The following AMELX variants were observed in gnomAD, a reference collection of about 807,000 sequenced individuals.
The protein encoded by AMELX is amelogenin, X isoform.
A neutral mutation model predicts 15.8 loss-of-function variants in AMELX; 9 were observed. The observed-to-expected ratio is 0.57, with a 90% CI of 0.34 to 0.99. The LOEUF (loss-of-function observed/expected upper bound fraction) is 0.99. AMELX is among the 50% of genes least tolerant of loss of function. The probability of loss-of-function intolerance (pLI) is 0.02; values close to 1 mark genes in which losing one functional copy is unlikely to be tolerated. For synonymous variants in AMELX, 61 were observed against 58.8 expected, an observed-to-expected ratio of 1.04 and a Z score of -0.17; for missense variants, 107 against 156.2, an observed-to-expected ratio of 0.68 and a Z score of 1.68.
intron 2 of AMELX, among the ~76,000 whole-genome samples, 168 bp from the exon 3 acceptor site, chrX:11,296,611 A>G (rs1185222619): frequency 8.9e-6 from 1 of 111,978 alleles, no homozygotes; most frequent in Non-Finnish European, 1.9e-5. Context: ...GTTCAAACTA[A>G]AAACAGACCT....
At chrX:11,302,057 C>CTCTAATACT (rs1351340321), downstream of AMELX, among the ~76,000 whole-genome samples, 1 of 112,247 alleles carries the variant, frequency 8.9e-6, no homozygotes, top group Non-Finnish European at 1.9e-5. Context: ...GGTAATTATA[C>CTCTAATACT]TCTAATACTT....
At chrX:11,298,073 C>T in intron 3 of AMELX, 163 bp from the exon 4 acceptor site, 1 of 1,207,939 alleles carries the variant, frequency 8.3e-7, no homozygotes, top group Non-Finnish European at 1.1e-6. Context: ...AAGCACCCAA[C>T]AAATTTTTAC....
downstream of AMELX, among the ~76,000 whole-genome samples, chrX:11,305,476 G>A (rs2048228718): frequency 8.9e-6 from 1 of 112,222 alleles, no homozygotes; most frequent in African/African-American, 3.2e-5. Context: ...TTGTTTCTTG[G>A]GAGGTTACAA....
chrX:11,303,806 C>G (rs749749234), downstream of AMELX, among the ~76,000 whole-genome samples: 5 of 111,483 alleles, frequency 4.5e-5, no homozygotes, highest in Non-Finnish European at 9.4e-5. Flanking sequence ...CAATCATGAC[C>G]ATTGCCTATC....
the AMELX span, among the ~76,000 whole-genome samples, chrX:11,309,455 G>A: frequency 4.5e-5 from 5 of 110,887 alleles, no homozygotes; most frequent in African/African-American, 1.6e-4. Context: ...AGAGCCTTGG[G>A]TCACTGTGAT....
the AMELX span, among the ~76,000 whole-genome samples, chrX:11,306,134 G>A: frequency 9.0e-6 from 1 of 111,710 alleles, no homozygotes; most frequent in Non-Finnish European, 1.9e-5. Flanking sequence ...ACTCCTGGAA[G>A]TGAGGTTCCC....
At chrX:11,293,714 A>G (rs1459446994) in intron 1 of AMELX, among the ~76,000 whole-genome samples, 1 of 111,959 alleles carries the variant, frequency 8.9e-6, no homozygotes, top group Non-Finnish European at 1.9e-5. Flanking sequence ...TAAAATATTT[A>G]TTTTAATTAA....
At chrX:11,303,382 A>G (rs1427412489), downstream of AMELX, among the ~76,000 whole-genome samples, 2 of 112,314 alleles carry the variant, frequency 1.8e-5, no homozygotes, top group African/African-American at 3.2e-5. Context: ...CAGACGATAA[A>G]TAATTATTGA....
intron 3 of AMELX, 48 bp downstream of exon 3, chrX:11,296,874 C>T: frequency 8.6e-7 from 1 of 1,157,881 alleles, no homozygotes; most frequent in Non-Finnish European, 1.2e-6. Flanking sequence ...GTTAACAATG[C>T]CCTGGGCTCT....
intron 1 of AMELX, 79 bp from the exon 2 acceptor site, chrX:11,294,698 T>C (rs2048051780): frequency 1.0e-6 from 1 of 999,497 alleles, no homozygotes; most frequent in South Asian, 1.9e-5. Flanking sequence ...CTAATGTAGA[T>C]TATGTGTGTT....
intron 3 of AMELX, among the ~76,000 whole-genome samples, chrX:11,297,455 G>A (rs1402930835): frequency 8.9e-6 from 1 of 112,061 alleles, no homozygotes; most frequent in Non-Finnish European, 1.9e-5. Context: ...AATATTGTTT[G>A]GAGAGTAATA....
chrX:11,298,066 C>T, intron 3 of AMELX, 170 bp from the exon 4 acceptor site: 4 of 1,198,197 alleles, frequency 3.3e-6, no homozygotes, highest in Non-Finnish European at 4.5e-6. Flanking sequence ...ACACAGGAAG[C>T]ACCCAACAAA....
intron 3 of AMELX, 37 bp downstream of exon 3, chrX:11,296,863 C>A: frequency 1.7e-6 from 2 of 1,179,491 alleles, no homozygotes; most frequent in Non-Finnish European, 2.3e-6. Flanking sequence ...CCATTGTTTG[C>A]GTTAACAATG....
rs2048028190 is a variant in AMELX at position 11,293,466 on chromosome X, A to T, written c.-15A>T. ...CAGAAACTTGCACTGAATACATTCA[A>T]AGGTATGTGGATTTTATTTATAATT... On this transcript the variant is annotated splice_region_variant and 5_prime_UTR_variant, in exon 1 of 6. Transcript: ENST00000380714. 1 of 112,287 alleles carries T rather than the reference A, an allele frequency of 8.9e-6. No individual in the cohort carries two copies. Among genetic ancestry groups the T allele is most frequent in the South Asian group, 3.7e-4 (1 of 2,688 alleles). The allele number at this position is 112,287 out of a possible 1,213,427, so 9.3% of individuals were successfully genotyped here. A position where few individuals can be genotyped will look rare whatever the true frequency, so the allele number is the denominator to read the frequency against.
Position 11,294,854 on chromosome X carries a change from A to T in AMELX, c.54+12A>T. The T allele has an allele frequency of 8.3e-7, 1 of 1,210,108 alleles. No homozygotes were observed. The highest frequency in any genetic ancestry group is 1.1e-6 in the Non-Finnish European group (1 of 894,010). Reference sequence around the variant, plus strand: ...CTTTTGCCATGCCTGTGAGTAAAACACCCCTTGCATAAGTCAGTGTCCAAT... The same window carrying T: ...CTTTTGCCATGCCTGTGAGTAAAACTCCCCTTGCATAAGTCAGTGTCCAAT... On this transcript the variant is annotated intron_variant, in intron 2 of 5. Transcript: ENST00000380714.
chrX:11,300,614 AG>A lies in AMELX; in HGVS notation c.*3del. 2 of 1,196,914 alleles carry A rather than the reference AG, an allele frequency of 1.7e-6. No homozygotes were observed. Among genetic ancestry groups the A allele is most frequent in the Non-Finnish European group, 2.3e-6 (2 of 882,983 alleles). On this transcript the variant is annotated 3_prime_UTR_variant, in exon 6 of 6. Transcript: ENST00000380714. ...TTTTGCAATTTTTTTCAGGATTAAA[AG>A]ATCAGAAGATGAGAGGGGAATGAAT...
chrX:11,296,329 T>A (rs2048083262), intron 2 of AMELX, among the ~76,000 whole-genome samples: 1 of 112,401 alleles, frequency 8.9e-6, no homozygotes, highest in African/African-American at 3.2e-5. Context: ...TCTCTCCTTG[T>A]TGATATTTCT....
chrX:11,307,686 T>G, the AMELX span, among the ~76,000 whole-genome samples: 1 of 112,562 alleles, frequency 8.9e-6, no homozygotes, highest in African/African-American at 3.2e-5. Flanking sequence ...ATTTTTAAAG[T>G]ACTTATTAAA....
chrX:11,295,580 T>A (rs1055550678), intron 2 of AMELX, among the ~76,000 whole-genome samples: 1 of 111,133 alleles, frequency 9.0e-6, no homozygotes, highest in Non-Finnish European at 1.9e-5. Context: ...TAAAGAGCAG[T>A]TGATACAACC....
Sources: gnomAD v4.1 joint callset for allele counts (sites outside exome capture counted in the v4.1 genomes callset) on GRCh38, gnomAD v4.1.1 for gene constraint, MANE v1.5 for transcripts, NCBI Gene and HGNC (gene_info 2026-07-23, HGNC 2026-07-21) for gene names.